Variants in CDC40 observed in about 807,000 individuals in gnomAD.
The protein encoded by CDC40 is pre-mRNA-processing factor 17.
In CDC40, 27 loss-of-function variants were observed where a neutral mutation model predicts 80.6. The ratio of observed to expected loss-of-function variants is 0.33; its 90% CI spans 0.25 to 0.46. CDC40 has a LOEUF of 0.46. Ranked by LOEUF, CDC40 falls within the 20% of genes least tolerant of loss-of-function variation. The probability of loss-of-function intolerance (pLI) is 1.00; values close to 1 mark genes in which losing one functional copy is unlikely to be tolerated. For missense variants in CDC40, 486 were observed against 694.1 expected, an observed-to-expected ratio of 0.70 and a Z score of 3.37; for synonymous variants, 221 against 232.6, an observed-to-expected ratio of 0.95 and a Z score of 0.45.
chr6:110,189,116 TC>T (rs1777312962), intron 1 of CDC40, among the ~76,000 whole-genome samples: 1 of 152,212 alleles, frequency 6.6e-6, no homozygotes, highest in Admixed American at 6.5e-5. Flanking sequence ...TTTGAGCTCT[TC>T]CCCTTCCCAT....
chr6:110,185,580 G>A (rs1177046553), intron 1 of CDC40, among the ~76,000 whole-genome samples: 4 of 152,048 alleles, frequency 2.6e-5, no homozygotes, highest in Non-Finnish European at 5.9e-5. Context: ...AAAGCAGACC[G>A]TGGCCTGGAT....
At chr6:110,220,569 C>T (rs1048446181) in intron 12 of CDC40, among the ~76,000 whole-genome samples, 2 of 151,112 alleles carry the variant, frequency 1.3e-5, no homozygotes, top group African/African-American at 4.9e-5. Context: ...CTCAGCCTCC[C>T]AAGTAGCTGG....
chr6:110,213,359 C>T (rs1020140772), intron 8 of CDC40, among the ~76,000 whole-genome samples, 199 bp downstream of exon 8: 4 of 151,842 alleles, frequency 2.6e-5, no homozygotes, highest in African/African-American at 9.7e-5. Flanking sequence ...TGGCTAGGCC[C>T]CTTTTTTTGT....
chr6:110,185,982 A>C (rs1777264320), intron 1 of CDC40, among the ~76,000 whole-genome samples: 1 of 152,192 alleles, frequency 6.6e-6, no homozygotes, highest in Non-Finnish European at 1.5e-5. Flanking sequence ...AGCACAGCAC[A>C]TTCGATCAGT....
intron 1 of CDC40, among the ~76,000 whole-genome samples, chr6:110,182,283 T>C (rs1347206954): frequency 6.6e-6 from 1 of 152,246 alleles, no homozygotes; most frequent in Non-Finnish European, 1.5e-5. Flanking sequence ...ATTAAATGCT[T>C]GCTATCCTTT....
Position 110,230,205 on chromosome 6 carries a change from CTGA to C in CDC40, c.*79_*81del, listed in dbSNP as rs143209780. On this transcript the variant is annotated 3_prime_UTR_variant, in exon 15 of 15. Transcript: ENST00000307731. Reference sequence around the variant, plus strand: ...ATTTATATTTAATTATTAAATGTATCTGATGATAACTTGATTTACAGATAATGT... The same window carrying C: ...ATTTATATTTAATTATTAAATGTATCTGATAACTTGATTTACAGATAATGT... 66,324 of 851,124 alleles carry C rather than the reference CTGA, an allele frequency of 0.078. 3,133 individuals are homozygous for C. Among genetic ancestry groups the C allele is most frequent in the Middle Eastern group, 0.12 (368 of 2,952 alleles). 52.7% of individuals were successfully genotyped at this position (851,124 alleles called of 1,614,324 possible).
chr6:110,190,448 A>G (rs928028123), intron 1 of CDC40, among the ~76,000 whole-genome samples: 17 of 152,162 alleles, frequency 1.1e-4, no homozygotes, highest in African/African-American at 4.1e-4. Context: ...ATGCAAAGAG[A>G]GGAGGGTAGA....
At chr6:110,180,934 T>C (rs559882729) in intron 1 of CDC40, among the ~76,000 whole-genome samples, 1 of 152,184 alleles carries the variant, frequency 6.6e-6, no homozygotes, top group African/African-American at 2.4e-5. Context: ...TCTCGGAACA[T>C]AAGTGAAATT....
chr6:110,228,995 A>G lies in CDC40; in HGVS notation c.1562+19A>G, dbSNP rs775991207. 4.8e-5 allele frequency: 76 copies of G among 1,579,454 alleles called. No homozygotes were observed. The highest frequency in any genetic ancestry group is 5.6e-5 in the Admixed American group (3 of 53,936). ...ACATGAGGTAAGTTTAAATCTTCTAATCCATTCTCGTATTCAAATATGATT... is the reference window on the plus strand; with the variant it reads ...ACATGAGGTAAGTTTAAATCTTCTAGTCCATTCTCGTATTCAAATATGATT... On this transcript the variant is annotated intron_variant, in intron 14 of 14. Transcript: ENST00000307731.
chr6:110,215,548 G>A (rs1483400972), intron 9 of CDC40, among the ~76,000 whole-genome samples: 1 of 152,234 alleles, frequency 6.6e-6, no homozygotes, highest in African/African-American at 2.4e-5. Flanking sequence ...ACAGCGTGCT[G>A]CTGAGGGGAT....
At chr6:110,227,416 G>C (rs1466882523) in intron 13 of CDC40, among the ~76,000 whole-genome samples, 2 of 152,190 alleles carry the variant, frequency 1.3e-5, no homozygotes, top group Non-Finnish European at 2.9e-5. Flanking sequence ...TATGAGAAGA[G>C]AAACCTAACT....
At chr6:110,208,093 G>C (rs866606744) in intron 4 of CDC40, among the ~76,000 whole-genome samples, 1 of 152,084 alleles carries the variant, frequency 6.6e-6, no homozygotes. Flanking sequence ...TACGCTAAAC[G>C]CTAACTTGTC....
chr6:110,228,114 C>T (rs1017203631), intron 13 of CDC40, among the ~76,000 whole-genome samples: 1 of 152,110 alleles, frequency 6.6e-6, no homozygotes, highest in Admixed American at 6.5e-5. Context: ...TGTTGCTGTT[C>T]TGAATAATGT....
intron 1 of CDC40, among the ~76,000 whole-genome samples, chr6:110,185,410 T>C (rs541039931): frequency 6.6e-6 from 1 of 151,520 alleles, no homozygotes; most frequent in South Asian, 2.1e-4. Context: ...GCCCGGCTAA[T>C]TTTTTGTATT....
chr6:110,194,096 C>T (rs1317579739), intron 2 of CDC40, among the ~76,000 whole-genome samples: 2 of 151,808 alleles, frequency 1.3e-5, no homozygotes, highest in Admixed American at 6.6e-5. Flanking sequence ...AACCAGAAAC[C>T]GCAAATATTG....
intron 10 of CDC40, among the ~76,000 whole-genome samples, chr6:110,219,027 A>AT (rs1449293097): frequency 6.6e-6 from 1 of 151,468 alleles, no homozygotes; most frequent in Non-Finnish European, 1.5e-5. Flanking sequence ...AAATCATACC[A>AT]TTTTTTCTCT....
intron 12 of CDC40, among the ~76,000 whole-genome samples, chr6:110,223,807 GTTTTGTTTT>G (rs1777811835): frequency 8.5e-5 from 7 of 82,612 alleles, no homozygotes; most frequent in Non-Finnish European, 1.4e-4. Flanking sequence ...GTAGGGTTTT[GTTTTGTTTT>G]GTTTTGTTTT....
chr6:110,229,630 C>T lies in CDC40; in HGVS notation c.1563-324C>T, dbSNP rs1166671913. On this transcript the variant is annotated intron_variant, in intron 14 of 14. Transcript: ENST00000307731. The stretch of plus-strand genomic sequence containing the variant: ...GATAGAATAGATCTAAAGGTGTTCC[C>T]TAGCTATATGTGGAATTGGTTCTCC... 2.0e-5 allele frequency among the ~76,000 whole-genome samples: 3 copies of T among 152,080 alleles called. No individual in the cohort carries two copies. In the East Asian group the frequency reaches 5.8e-4, roughly 29 times the overall value.
intron 3 of CDC40, among the ~76,000 whole-genome samples, chr6:110,204,838 G>A (rs950534582): frequency 4.7e-5 from 7 of 150,482 alleles, no homozygotes; most frequent in Admixed American, 4.0e-4. Flanking sequence ...GTTTTTTTTT[G>A]TATTTTTCGT....
Sources: allele counts gnomAD v4.1 joint callset (sites outside exome capture counted in the v4.1 genomes callset), GRCh38; gene constraint gnomAD v4.1.1; transcripts MANE v1.5; gene names NCBI Gene and HGNC (gene_info 2026-07-23, HGNC 2026-07-21).